ACKR3: variants seen among roughly 807,000 people sequenced by gnomAD.
The protein encoded by ACKR3 is atypical chemokine receptor 3, also known as C-X-C chemokine receptor type 7.
Under a neutral mutation model 22.4 loss-of-function variants are expected in ACKR3, and 6 were observed. The observed-to-expected ratio is 0.27, with a 90% CI of 0.15 to 0.53. The LOEUF is 0.53. Ranked by LOEUF, ACKR3 falls within the 20% of genes least tolerant of loss-of-function variation. The pLI is 0.96. For missense variants in ACKR3, 396 were observed against 475.2 expected (o/e 0.83, Z 1.55); for synonymous variants, 209 against 205.2 (o/e 1.02, Z -0.16).
the ACKR3 span, among the ~76,000 whole-genome samples, chr2:236,554,627 TG>T: frequency 6.6e-6 from 1 of 152,248 alleles, no homozygotes; most frequent in East Asian, 1.9e-4. Context: ...AAGCTGTTCA[TG>T]GGGAAGTGTC....
the ACKR3 span, among the ~76,000 whole-genome samples, chr2:236,546,242 C>G: frequency 6.6e-6 from 1 of 152,144 alleles, no homozygotes; most frequent in Admixed American, 6.5e-5. This position sits in a 1 kb window ranked among gnomAD's most constrained non-coding sequence, Gnocchi z 4.9. Flanking sequence ...ACTTTGATGA[C>G]AGGTGTGCCC....
chr2:236,557,655 A>C, the ACKR3 span, among the ~76,000 whole-genome samples: 1 of 152,256 alleles, frequency 6.6e-6, no homozygotes, highest in African/African-American at 2.4e-5. Context: ...CAGATGAATA[A>C]ATTGAAAGTT....
the ACKR3 span, among the ~76,000 whole-genome samples, chr2:236,559,476 A>G: frequency 6.6e-6 from 1 of 152,186 alleles, no homozygotes; most frequent in Non-Finnish European, 1.5e-5. Flanking sequence ...AAGTTGGTAC[A>G]TAGCCTTTCT....
rs764889997 is a variant in ACKR3, at chr2:236,581,061, T to C, written c.596T>C (p.Phe199Ser). ...AACAATGAGACCTACTGCCGGTCCT[T>C]CTACCCCGAGCACAGCATCAAGGAG... ...ASNNETYCRS[F>S]YPEHSIKEWL... is the part of the protein sequence containing the mutation. Residue 199 changes from phenylalanine (F) to serine (S), a missense_variant, in exon 2 of 2, where the codon TTC becomes TCC. Coordinates refer to ENST00000272928, the MANE Select transcript of ACKR3 (RefSeq NM_020311.3). This position sits in a 1 kb window ranked among gnomAD's most constrained non-coding sequence, Gnocchi z 4.4. 5.0e-5 allele frequency: 81 copies of C among 1,614,070 alleles called. No homozygotes were observed. In the South Asian group the frequency reaches 7.2e-4, roughly 14 times the overall value.
chr2:236,560,954 C>A, the ACKR3 span, among the ~76,000 whole-genome samples: 1 of 152,314 alleles, frequency 6.6e-6, no homozygotes, highest in Admixed American at 6.5e-5. Flanking sequence ...TATATACATA[C>A]AACAAAATAT....
At chr2:236,578,927 G>A (rs1691466439) in intron 1 of ACKR3, among the ~76,000 whole-genome samples, 1 of 152,260 alleles carries the variant, frequency 6.6e-6, no homozygotes, top group African/African-American at 2.4e-5. Flanking sequence ...TCCTGGCCAG[G>A]GAGGGAGAAG....
chr2:236,553,529 C>T, the ACKR3 span, among the ~76,000 whole-genome samples: 5,500 of 152,352 alleles, frequency 0.036, 321 homozygotes, highest in African/African-American at 0.12. Flanking sequence ...TGGAAAATGA[C>T]CTGGTTGCTT....
the ACKR3 span, among the ~76,000 whole-genome samples, chr2:236,550,597 G>A: frequency 1.6e-4 from 24 of 152,154 alleles, no homozygotes; most frequent in African/African-American, 5.1e-4. The surrounding 1 kb of genome is among the most constrained non-coding windows in gnomAD (Gnocchi z 4.6). Flanking sequence ...TGGGCTCTCA[G>A]AGAGCAAATG....
At chr2:236,551,390 A>G in the ACKR3 span, among the ~76,000 whole-genome samples, 1 of 152,144 alleles carries the variant, frequency 6.6e-6, no homozygotes, top group African/African-American at 2.4e-5. Context: ...GCAGGAAGGA[A>G]AGTGTGCTCC....
chr2:236,581,035 C>A lies in ACKR3; in HGVS notation c.570C>A (p.Ser190=). The A allele has an allele frequency of 2.5e-6, 4 of 1,614,174 alleles. No individual in the cohort carries two copies. Among genetic ancestry groups the A allele is most frequent in the Non-Finnish European group, 3.4e-6 (4 of 1,180,050 alleles). The change falls in exon 2 of 2, where the codon TCC becomes TCA. Residue 190 remains serine (S), a synonymous_variant. Coordinates refer to ENST00000272928, the MANE Select transcript of ACKR3 (RefSeq NM_020311.3). The surrounding 1 kb of genome is among the most constrained non-coding windows in gnomAD (Gnocchi z 4.4). The stretch of plus-strand genomic sequence containing the variant: ...ACCTGAAGACCGTCACGTCTGCGTC[C>A]AACAATGAGACCTACTGCCGGTCCT... ...TYYLKTVTSA[S]NNETYCRSFY...
chr2:236,541,342 G>T, the ACKR3 span, among the ~76,000 whole-genome samples: 1 of 152,118 alleles, frequency 6.6e-6, no homozygotes, highest in Non-Finnish European at 1.5e-5. Context: ...ACCAAAGAAC[G>T]TGTGGTTCAT....
At chr2:236,547,114 G>A in the ACKR3 span, among the ~76,000 whole-genome samples, 1 of 152,206 alleles carries the variant, frequency 6.6e-6, no homozygotes, top group African/African-American at 2.4e-5. Context: ...GACACACATT[G>A]TCATGATGAC....
the ACKR3 span, among the ~76,000 whole-genome samples, chr2:236,540,977 C>G: frequency 0.15 from 22,755 of 152,206 alleles, 2,749 homozygotes; most frequent in African/African-American, 0.33. Flanking sequence ...GCCAAGACAA[C>G]TGGGGACATC....
chr2:236,569,615 A>C (rs2106497836), upstream of ACKR3: 1 of 152,310 alleles, frequency 6.6e-6, no homozygotes, highest in East Asian at 1.9e-4. Context: ...TTTGCAAATG[A>C]AAGAAGGCTG....
upstream of ACKR3, among the ~76,000 whole-genome samples, chr2:236,565,423 C>T (rs1559469338): frequency 6.6e-6 from 1 of 152,076 alleles, no homozygotes; most frequent in Non-Finnish European, 1.5e-5. Flanking sequence ...TGAAAGATGC[C>T]CTCCCTAGAT....
the ACKR3 span, among the ~76,000 whole-genome samples, chr2:236,553,204 C>G: frequency 8.5e-5 from 13 of 152,252 alleles, no homozygotes; most frequent in East Asian, 1.9e-4. Context: ...CCTCCTCCCC[C>G]CTGCTGAGGG....
chr2:236,566,838 CTCTTTCTT>C (rs201570476), upstream of ACKR3, among the ~76,000 whole-genome samples: 1 of 148,522 alleles, frequency 6.7e-6, no homozygotes, highest in Admixed American at 6.8e-5. Flanking sequence ...CATCTCTTTC[CTCTTTCTT>C]TCTTTCTTTT....
the ACKR3 span, among the ~76,000 whole-genome samples, chr2:236,550,202 T>C: frequency 6.6e-6 from 1 of 152,062 alleles, no homozygotes; most frequent in African/African-American, 2.4e-5. This position sits in a 1 kb window ranked among gnomAD's most constrained non-coding sequence, Gnocchi z 4.6. Flanking sequence ...GTGAAGGCGG[T>C]GTGTGAGGAG....
chr2:236,580,619 AT>A lies in ACKR3; in HGVS notation c.158del (p.Phe53SerfsTer7). The A allele has an allele frequency of 6.2e-7, 1 of 1,613,692 alleles. No homozygotes were observed. On this transcript the variant is annotated frameshift_variant, in exon 2 of 2. Coordinates refer to ENST00000272928, the MANE Select transcript of ACKR3 (RefSeq NM_020311.3). LOFTEE classifies it high-confidence loss of function. The stretch of plus-strand genomic sequence containing the variant: ...GCTCTACACGCTCTCCTTCATTTAC[AT>A]TTTCATCTTCGTCATCGGCATGATT... ...VLLYTLSFIY[I>X]FIFVIGMIAN...
Sources: gnomAD v4.1 joint callset for allele counts (sites outside exome capture counted in the v4.1 genomes callset) on GRCh38, gnomAD v4.1.1 for gene constraint, Gnocchi (gnomAD v3.1) non-coding constraint, MANE v1.5 for transcripts, NCBI Gene and HGNC (gene_info 2026-07-23, HGNC 2026-07-21) for gene names.